Variants in RNF220 observed in about 807,000 individuals in gnomAD.
RNF220 encodes E3 ubiquitin-protein ligase RNF220.
Under a neutral mutation model 67.1 loss-of-function variants are expected in RNF220, and 7 were observed. The observed-to-expected ratio is 0.10, with a 90% CI of 0.06 to 0.20. RNF220 has a LOEUF of 0.20. Among genes scored for constraint, RNF220 ranks in the 10% least tolerant of loss-of-function variants. The pLI, the probability that RNF220 is intolerant of heterozygous loss-of-function variation, is 1.00. For missense variants in RNF220, 565 were observed against 740.3 expected (o/e 0.76, Z 2.75); for synonymous variants, 270 against 283.2 (o/e 0.95, Z 0.47).
intron 2 of RNF220, among the ~76,000 whole-genome samples, chr1:44,559,117 C>T (rs543126804): frequency 2.6e-5 from 4 of 152,368 alleles, no homozygotes; most frequent in African/African-American, 4.8e-5. Context: ...CTTGCCTTCT[C>T]GCTCCAGAAC....
chr1:44,502,620 C>T (rs1050720542), intron 2 of RNF220, among the ~76,000 whole-genome samples: 2 of 152,090 alleles, frequency 1.3e-5, no homozygotes, highest in African/African-American at 2.4e-5. Flanking sequence ...TATTCTTAAA[C>T]AGAAAAGCAA....
At chr1:44,510,276 A>G (rs1352579692) in intron 2 of RNF220, among the ~76,000 whole-genome samples, 5 of 138,684 alleles carry the variant, frequency 3.6e-5, no homozygotes, top group African/African-American at 8.0e-5. Flanking sequence ...GGAGGGAGGG[A>G]GGGAGAAAAG....
chr1:44,589,545 A>C (rs183706306), intron 2 of RNF220, among the ~76,000 whole-genome samples: 1,463 of 138,850 alleles, frequency 0.011, 14 homozygotes, highest in Middle Eastern at 0.05. Flanking sequence ...ACCCAGGAGG[A>C]GGAGCTTGCA....
At chr1:44,461,161 T>G (rs1653722910) in intron 2 of RNF220, among the ~76,000 whole-genome samples, 1 of 152,174 alleles carries the variant, frequency 6.6e-6, no homozygotes, top group African/African-American at 2.4e-5. Context: ...TATTGCATAT[T>G]TAATGCAAAA....
At chr1:44,408,338 C>G (rs1647606185) in intron 1 of RNF220, among the ~76,000 whole-genome samples, 1 of 152,192 alleles carries the variant, frequency 6.6e-6, no homozygotes. Context: ...GGGACCATAC[C>G]CGGCCATGCC....
At position 44,556,685 on chromosome 1, in the gene RNF220, T is replaced by TGA. The variant is rs1218387719; in HGVS notation, c.626-57480_626-57479insGA. On this transcript the variant is annotated intron_variant, in intron 2 of 14. Transcript: ENST00000361799. ...TGCCATTCTCCTGCCTCAGTCTCCC[T>TGA]AGTAGCTGGGACTACAGGCGCCTGC... Among the ~76,000 whole-genome samples the TGA allele has an allele frequency of 5.8e-3, 883 of 151,624 alleles. 12 individuals carry two copies. Among genetic ancestry groups the TGA allele is most frequent in the African/African-American group, 0.021 (859 of 41,088 alleles).
Position 44,649,543 on chromosome 1 carries a change from A to C in RNF220, c.1446-118A>C, listed in dbSNP as rs1276895329. ...ATTCAGGTTATCAGAGAAAGGGGGC[A>C]GGCAGGGATGCCTAGGGGACATTTA... is the stretch of plus-strand genomic sequence containing the variant. On this transcript the variant is annotated intron_variant, in intron 12 of 14. Coordinates refer to ENST00000361799, the MANE Select transcript of RNF220 (RefSeq NM_018150.4). This position sits in a 1 kb window ranked among gnomAD's most constrained non-coding sequence, Gnocchi z 5.9. 1.1e-6 allele frequency: 1 copy of C among 874,562 alleles called. No individual in the cohort carries two copies. The highest frequency in any genetic ancestry group is 1.7e-5 in the African/African-American group (1 of 60,352). The allele number at this position is 874,562 out of a possible 1,614,324, so 54.2% of individuals were successfully genotyped here.
At chr1:44,562,344 G>A (rs1411073537) in intron 2 of RNF220, among the ~76,000 whole-genome samples, 1 of 152,310 alleles carries the variant, frequency 6.6e-6, no homozygotes, top group Non-Finnish European at 1.5e-5. Flanking sequence ...GCAGGAAGCC[G>A]TGGCTGCTTA....
intron 2 of RNF220, among the ~76,000 whole-genome samples, chr1:44,442,453 C>A (rs1651657502): frequency 6.6e-6 from 1 of 150,960 alleles, no homozygotes; most frequent in African/African-American, 2.4e-5. Context: ...TGCATATTAT[C>A]TTAAAAAGAG....
chr1:44,506,125 A>G (rs1010595518), intron 2 of RNF220, among the ~76,000 whole-genome samples: 16 of 152,272 alleles, frequency 1.1e-4, no homozygotes, highest in Admixed American at 1.3e-4. Context: ...TGCCCAAGCA[A>G]TGCCCAGGCA....
chr1:44,500,770 C>A (rs1267009607), intron 2 of RNF220, among the ~76,000 whole-genome samples: 1 of 152,014 alleles, frequency 6.6e-6, no homozygotes, highest in African/African-American at 2.4e-5. Flanking sequence ...ATTGCCGCTG[C>A]TGCTGAGGGA....
intron 2 of RNF220, among the ~76,000 whole-genome samples, chr1:44,486,246 G>A (rs1656294492): frequency 6.6e-6 from 1 of 151,964 alleles, no homozygotes; most frequent in African/African-American, 2.4e-5. Flanking sequence ...GGGGCCTTTG[G>A]GCGACCTGTC....
intron 2 of RNF220, among the ~76,000 whole-genome samples, chr1:44,448,859 T>C (rs1652371732): frequency 6.6e-6 from 1 of 152,212 alleles, no homozygotes; most frequent in South Asian, 2.1e-4. Flanking sequence ...ATGCTTGATA[T>C]ACCTGAGCCT....
intron 2 of RNF220, among the ~76,000 whole-genome samples, chr1:44,425,823 C>T (rs1444888246): frequency 6.6e-6 from 1 of 152,154 alleles, no homozygotes; most frequent in Non-Finnish European, 1.5e-5. Flanking sequence ...TGTCTATCTA[C>T]GTCTGTCTCA....
chr1:44,431,556 G>C (rs1318094891), intron 2 of RNF220, among the ~76,000 whole-genome samples: 2 of 151,490 alleles, frequency 1.3e-5, no homozygotes, highest in African/African-American at 4.9e-5. Context: ...CTTCAAGTGA[G>C]CAAGATGGGG....
At chr1:44,575,328 C>G (rs1029274645) in intron 2 of RNF220, among the ~76,000 whole-genome samples, 7 of 152,148 alleles carry the variant, frequency 4.6e-5, no homozygotes, top group African/African-American at 1.7e-4. Context: ...CACTTCCATC[C>G]ATGTTGCTGA....
At chr1:44,522,885 G>A (rs1026770009) in intron 2 of RNF220, among the ~76,000 whole-genome samples, 2 of 152,214 alleles carry the variant, frequency 1.3e-5, no homozygotes, top group Non-Finnish European at 2.9e-5. Flanking sequence ...GTGCATGCAT[G>A]CATATGCTTA....
intron 1 of RNF220, chr1:44,408,582 T>C (rs908757189): frequency 2.0e-5 from 3 of 152,264 alleles, no homozygotes; most frequent in Non-Finnish European, 4.4e-5. Flanking sequence ...TTCTTTGCTT[T>C]TTAAGTTCCT....
In RNF220 at chr1:44,435,371, C is replaced by A. The variant is rs1254332693; in HGVS notation, c.625+22649C>A. On this transcript the variant is annotated intron_variant, in intron 2 of 14. Transcript: ENST00000361799. ...TGACTCACTGTTTTGTTTTAATGAA[C>A]AAATTAAATGAGATAATGTATTTAT... Among the ~76,000 whole-genome samples, 4 of 152,100 alleles carry A rather than the reference C, an allele frequency of 2.6e-5. No homozygotes were observed. The East Asian group carries it at 7.7e-4, about 29-fold the overall frequency.
Sources: gnomAD v4.1 joint callset for allele counts (sites outside exome capture counted in the v4.1 genomes callset) on GRCh38, gnomAD v4.1.1 for gene constraint, Gnocchi (gnomAD v3.1) non-coding constraint, MANE v1.5 for transcripts, NCBI Gene and HGNC (gene_info 2026-07-23, HGNC 2026-07-21) for gene names.